The following SDK1 variants were observed in gnomAD, a reference collection of about 807,000 sequenced individuals.
The protein encoded by SDK1 is sidekick cell adhesion molecule 1.
A neutral mutation model predicts 245.5 loss-of-function variants in SDK1; 157 were observed. The ratio of observed to expected loss-of-function variants is 0.64; its 90% CI spans 0.56 to 0.73. SDK1 has a LOEUF of 0.73. Among genes scored for constraint, SDK1 ranks in the 30% least tolerant of loss-of-function variants. SDK1 has a pLI of 0.00. For synonymous variants in SDK1, 1,647 were observed against 1,278.5 expected (o/e 1.29, Z -6.15); for missense variants, 3,583 against 3,002.3 (o/e 1.19, Z -4.52).
At chr7:4,066,843 G>C (rs146001359) in intron 19 of SDK1, among the ~76,000 whole-genome samples, 1 of 152,196 alleles carries the variant, frequency 6.6e-6, no homozygotes, top group Non-Finnish European at 1.5e-5. Flanking sequence ...CATGTGGGGC[G>C]GAGCTCTGCG....
At chr7:3,816,927 C>CT (rs1312851616) in intron 4 of SDK1, among the ~76,000 whole-genome samples, 1 of 151,734 alleles carries the variant, frequency 6.6e-6, no homozygotes, top group African/African-American at 2.4e-5. Context: ...TGTTAATGTA[C>CT]TTGAAGGTCA....
chr7:3,958,268 A>G (rs1781417278), intron 7 of SDK1: 2 of 277,688 alleles, frequency 7.2e-6, no homozygotes, highest in Admixed American at 1.0e-4. Flanking sequence ...TCTGCTGAAT[A>G]AACTGGAAAA....
intron 1 of SDK1, among the ~76,000 whole-genome samples, chr7:3,318,650 C>A (rs1779721656): frequency 6.6e-6 from 1 of 152,208 alleles, no homozygotes; most frequent in South Asian, 2.1e-4. Context: ...CTCCTACTTA[C>A]CTCCTGAACT....
At chr7:3,414,651 A>G (rs1031359293) in intron 1 of SDK1, among the ~76,000 whole-genome samples, 20 of 152,186 alleles carry the variant, frequency 1.3e-4, no homozygotes, top group African/African-American at 4.8e-4. Flanking sequence ...TTTTCACATA[A>G]TCGTAAGGTT....
At chr7:3,718,208 T>G (rs549378792) in intron 4 of SDK1, among the ~76,000 whole-genome samples, 52 of 152,100 alleles carry the variant, frequency 3.4e-4, no homozygotes, top group Middle Eastern at 6.8e-3. Context: ...TTTGATAAAA[T>G]CCAACACTCA....
intron 1 of SDK1, among the ~76,000 whole-genome samples, chr7:3,540,661 G>C (rs1209377191): frequency 1.3e-5 from 2 of 152,190 alleles, no homozygotes; most frequent in Admixed American, 6.5e-5. Flanking sequence ...TTCACATGCA[G>C]CTATTTTGGG....
chr7:3,571,393 C>T (rs143245533), intron 1 of SDK1, among the ~76,000 whole-genome samples: 1 of 151,982 alleles, frequency 6.6e-6, no homozygotes, highest in Non-Finnish European at 1.5e-5. Context: ...ACCTCAAACT[C>T]CTGGATTCAA....
intron 4 of SDK1, among the ~76,000 whole-genome samples, chr7:3,645,754 C>T (rs1782814968): frequency 6.6e-6 from 1 of 152,150 alleles, no homozygotes; most frequent in Non-Finnish European, 1.5e-5. Flanking sequence ...CAGATGGCAT[C>T]ATATTTGTTA....
At chr7:3,800,970 C>T (rs1394988027) in intron 4 of SDK1, among the ~76,000 whole-genome samples, 1 of 152,170 alleles carries the variant, frequency 6.6e-6, no homozygotes, top group Non-Finnish European at 1.5e-5. Flanking sequence ...CGTTTTTACA[C>T]CCTTTGTCCT....
chr7:3,343,160 C>CAAACTATCCATT (rs781410119), intron 1 of SDK1, among the ~76,000 whole-genome samples: 12 of 152,172 alleles, frequency 7.9e-5, no homozygotes, highest in Non-Finnish European at 1.8e-4. Flanking sequence ...GGCAAGTGTA[C>CAAACTATCCATT]TCTTGGATAG....
At chr7:3,558,500 C>T (rs558201259) in intron 1 of SDK1, among the ~76,000 whole-genome samples, 28 of 152,326 alleles carry the variant, frequency 1.8e-4, no homozygotes, top group African/African-American at 6.3e-4. Flanking sequence ...GCTTGGATCA[C>T]AGCCCTACAC....
chr7:3,735,737 A>G (rs968427289), intron 4 of SDK1, among the ~76,000 whole-genome samples: 3 of 152,212 alleles, frequency 2.0e-5, no homozygotes, highest in Admixed American at 1.3e-4. Context: ...AGGAACCTCC[A>G]TACTGTTTTC....
At chr7:4,044,298 G>C (rs1217143511) in intron 17 of SDK1, among the ~76,000 whole-genome samples, 1 of 152,218 alleles carries the variant, frequency 6.6e-6, no homozygotes, top group Non-Finnish European at 1.5e-5. Context: ...CCGCTGCTCA[G>C]GGCTCCCGGA....
chr7:4,188,497 A>G (rs984754862), intron 35 of SDK1, among the ~76,000 whole-genome samples: 7 of 152,102 alleles, frequency 4.6e-5, no homozygotes, highest in African/African-American at 9.7e-5. Flanking sequence ...TATTAGGGAT[A>G]TCATGTTTGA....
chr7:4,020,634 CAG>C (rs960111792), intron 17 of SDK1, among the ~76,000 whole-genome samples: 7 of 152,128 alleles, frequency 4.6e-5, no homozygotes, highest in African/African-American at 1.2e-4. Context: ...GTGAATGCAT[CAG>C]GGGGACAGTG....
intron 1 of SDK1, among the ~76,000 whole-genome samples, chr7:3,601,608 T>A (rs1006440010): frequency 6.6e-6 from 1 of 152,054 alleles, no homozygotes; most frequent in East Asian, 1.9e-4. Flanking sequence ...TTTATTTTAG[T>A]CTTGCTAGAG....
chr7:4,132,375 G>C lies in SDK1; in HGVS notation c.4180G>C (p.Val1394Leu). ...LVFPEVRLTS[V>L]RIVWQPPEEP... The stretch of plus-strand genomic sequence containing the variant: ...GTTCCCCGAAGTGAGACTCACCTCC[G>C]TGCGGATAGTGTGGCAACCTCCGGA... Residue 1394 changes from valine to leucine, a missense_variant, in exon 28 of 45, where the codon GTG becomes CTG. By Grantham distance (32) the Val-to-Leu change is conservative. Transcript: ENST00000404826. 1 of 1,613,150 alleles carries C rather than the reference G, an allele frequency of 6.2e-7. No homozygotes were observed. The highest frequency in any genetic ancestry group is 8.5e-7 in the Non-Finnish European group (1 of 1,179,576).
rs141605699 is a variant in SDK1 at position 3,557,469 on chromosome 7, G to C, written c.299-61611G>C. Among the ~76,000 whole-genome samples, 848 of 152,314 alleles carry C rather than the reference G, an allele frequency of 5.6e-3. 5 individuals are homozygous for C. Among genetic ancestry groups the C allele is most frequent in the South Asian group, 0.018 (86 of 4,824 alleles). On this transcript the variant is annotated intron_variant, in intron 1 of 44. Transcript: ENST00000404826. ...TATGGTCACAAAAGAGCAAGACCAG[G>C]GGTCCTGATGGCAATAGAAATGTTC...
chr7:4,211,566 C>T (rs1784513709), intron 38 of SDK1, among the ~76,000 whole-genome samples: 1 of 152,114 alleles, frequency 6.6e-6, no homozygotes, highest in Admixed American at 6.5e-5. Flanking sequence ...CTGCTCTGCA[C>T]CTGCTGGGTC....
Sources: allele counts gnomAD v4.1 joint callset (sites outside exome capture counted in the v4.1 genomes callset), GRCh38; gene constraint gnomAD v4.1.1; transcripts MANE v1.5; gene names NCBI Gene and HGNC (gene_info 2026-07-23, HGNC 2026-07-21).